TMEM132C: variants seen among roughly 807,000 people sequenced by gnomAD.
TMEM132C encodes the protein protein phosphatase 1, regulatory subunit 152.
Under a neutral mutation model 61.4 loss-of-function variants are expected in TMEM132C, and 29 were observed. The observed-to-expected ratio is 0.47, with a 90% CI of 0.35 to 0.64. The LOEUF is 0.64. Ranked by LOEUF, TMEM132C falls within the 30% of genes least tolerant of loss-of-function variation. The pLI, the probability that TMEM132C is intolerant of heterozygous loss-of-function variation, is 0.00. For synonymous variants in TMEM132C, 656 were observed against 633.1 expected (o/e 1.04, Z -0.54); for missense variants, 1,408 against 1,476.9 (o/e 0.95, Z 0.76).
chr12:128,343,828 AT>A (rs1873058805), intron 1 of TMEM132C, among the ~76,000 whole-genome samples: 1 of 152,210 alleles, frequency 6.6e-6, no homozygotes, highest in African/African-American at 2.4e-5. Context: ...TATTTGGGAC[AT>A]TTCATATAAA....
intron 3 of TMEM132C, among the ~76,000 whole-genome samples, chr12:128,598,544 G>T (rs1377035781): frequency 6.6e-6 from 1 of 152,120 alleles, no homozygotes; most frequent in Non-Finnish European, 1.5e-5. Flanking sequence ...CCCGATGTGA[G>T]AATGTGTCTG....
At chr12:128,565,857 A>G (rs1874678672) in intron 3 of TMEM132C, among the ~76,000 whole-genome samples, 1 of 151,750 alleles carries the variant, frequency 6.6e-6, no homozygotes, top group Non-Finnish European at 1.5e-5. Context: ...TCAGTAACAT[A>G]ATATAATCTA....
At chr12:128,454,437 A>G (rs1205937855) in intron 2 of TMEM132C, among the ~76,000 whole-genome samples, 1 of 152,170 alleles carries the variant, frequency 6.6e-6, no homozygotes, top group East Asian at 1.9e-4. Flanking sequence ...CAGCTCCAGA[A>G]GTTGATGTGA....
chr12:128,386,597 G>T (rs1874589095), intron 1 of TMEM132C, among the ~76,000 whole-genome samples: 1 of 152,180 alleles, frequency 6.6e-6, no homozygotes, highest in East Asian at 1.9e-4. Flanking sequence ...CCACAGCAGG[G>T]ATCTCGTGGC....
chr12:128,550,427 G>T (rs767795980), intron 3 of TMEM132C, among the ~76,000 whole-genome samples: 2 of 151,764 alleles, frequency 1.3e-5, no homozygotes, highest in African/African-American at 4.8e-5. Flanking sequence ...CAAGCGATCC[G>T]CCAAGTAGCT....
chr12:128,289,867 T>G (rs1449290566), intron 1 of TMEM132C, among the ~76,000 whole-genome samples: 1 of 152,164 alleles, frequency 6.6e-6, no homozygotes, highest in Non-Finnish European at 1.5e-5. Context: ...AATACATAAC[T>G]GATAGCATGT....
chr12:128,306,361 C>T (rs1015238297), intron 1 of TMEM132C, among the ~76,000 whole-genome samples: 3 of 152,070 alleles, frequency 2.0e-5, no homozygotes, highest in African/African-American at 7.2e-5. Context: ...GCCACCACGC[C>T]TGGCTAATTT....
intron 1 of TMEM132C, chr12:128,288,073 T>C (rs1006796938): frequency 8.6e-5 from 13 of 151,174 alleles, no homozygotes; most frequent in African/African-American, 2.9e-4. Context: ...TTTTTTTTTT[T>C]CTGAGATGGA....
intron 1 of TMEM132C, among the ~76,000 whole-genome samples, chr12:128,269,673 T>A (rs1407964735): frequency 6.6e-6 from 1 of 152,186 alleles, no homozygotes; most frequent in African/African-American, 2.4e-5. Flanking sequence ...CAACTTATCA[T>A]CTGCAAAATA....
intron 2 of TMEM132C, among the ~76,000 whole-genome samples, chr12:128,530,654 A>G (rs1873260763): frequency 6.6e-6 from 1 of 152,160 alleles, no homozygotes; most frequent in Non-Finnish European, 1.5e-5. Context: ...CATGCTGGTC[A>G]GGCTGGTCTC....
chr12:128,663,713 G>C (rs76689154), intron 4 of TMEM132C, among the ~76,000 whole-genome samples: 1 of 152,046 alleles, frequency 6.6e-6, no homozygotes, highest in East Asian at 1.9e-4. Context: ...ATGCGTGTGT[G>C]TATGTGTGTG....
At chr12:128,665,684 TAC>T (rs1231048320) in intron 4 of TMEM132C, among the ~76,000 whole-genome samples, 2 of 85,360 alleles carry the variant, frequency 2.3e-5, no homozygotes, top group Non-Finnish European at 4.8e-5. Context: ...CATACACACA[TAC>T]ACATACAGGC....
rs183985758 is a variant in TMEM132C at position 128,488,248 on chromosome 12, C to T, written c.975-55709C>T. On this transcript the variant is annotated intron_variant, in intron 2 of 8. Transcript: ENST00000435159. ...GGATCATAGAACATTTCTCTCAACT[C>T]AGCCAGTTCTATTGGAGAGCAGTGC... Among the ~76,000 whole-genome samples, 3 of 152,322 alleles carry T rather than the reference C, an allele frequency of 2.0e-5. No individual in the cohort carries two copies. The East Asian group carries it at 5.8e-4, about 29-fold the overall frequency.
At position 128,705,990 on chromosome 12, in the gene TMEM132C, A is replaced by G; in HGVS notation, c.3022A>G (p.Ser1008Gly). Residue 1008 changes from serine to glycine, a missense_variant, in exon 9 of 9, where the codon AGC becomes GGC. Ser to Gly is a moderately conservative substitution (Grantham distance 56). Coordinates refer to ENST00000435159, the MANE Select transcript of TMEM132C (RefSeq NM_001136103.3). ...IDRGPGACEE[S>G]NHLLLNGGSH... is the part of the protein sequence containing the mutation. ...CCGCGGACCGGGGGCCTGCGAGGAGAGCAACCATCTCCTGCTCAATGGTGG... is the reference window on the plus strand; with the variant it reads ...CCGCGGACCGGGGGCCTGCGAGGAGGGCAACCATCTCCTGCTCAATGGTGG... The G allele has an allele frequency of 6.4e-7, 1 of 1,551,600 alleles. No individual in the cohort carries two copies. The highest frequency in any genetic ancestry group is 8.7e-7 in the Non-Finnish European group (1 of 1,146,980).
At position 128,291,129 on chromosome 12, in the gene TMEM132C, A is replaced by G. The variant is rs145044919; in HGVS notation, c.85+23642A>G. 1.5e-3 allele frequency among the ~76,000 whole-genome samples: 223 copies of G among 152,228 alleles called. 1 individual carries two copies. Among genetic ancestry groups the G allele is most frequent in the African/African-American group, 4.9e-3 (205 of 41,546 alleles). ...GACCCGAGCAGCACAGGAATCCCCA[A>G]ATTCTCGAGGGACATTCTTATGGTC... On this transcript the variant is annotated intron_variant, in intron 1 of 8. Coordinates refer to ENST00000435159, the MANE Select transcript of TMEM132C (RefSeq NM_001136103.3).
chr12:128,547,886 A>G lies in TMEM132C; in HGVS notation c.1121+3783A>G, dbSNP rs1251060405. ...CTTCAAAGGCACAAACACCAAACAC[A>G]CACACCAAGTCTAACTAAAAGTGGT... is the stretch of plus-strand genomic sequence containing the variant. On this transcript the variant is annotated intron_variant, in intron 3 of 8. Coordinates refer to ENST00000435159, the MANE Select transcript of TMEM132C (RefSeq NM_001136103.3). 2.0e-5 allele frequency among the ~76,000 whole-genome samples: 3 copies of G among 152,326 alleles called. No homozygotes were observed. In the East Asian group the frequency reaches 5.8e-4, roughly 29 times the overall value.
At chr12:128,575,435 CG>C (rs540180584) in intron 3 of TMEM132C, among the ~76,000 whole-genome samples, 85 of 151,572 alleles carry the variant, frequency 5.6e-4, no homozygotes, top group African/African-American at 1.9e-3. Flanking sequence ...GCCAAGATGG[CG>C]CCATTGCACT....
At chr12:128,472,295 A>C (rs1340924600) in intron 2 of TMEM132C, among the ~76,000 whole-genome samples, 1 of 152,226 alleles carries the variant, frequency 6.6e-6, no homozygotes, top group Non-Finnish European at 1.5e-5. Context: ...ATTATAAACA[A>C]GCAGTATAAT....
chr12:128,606,465 A>G (rs564883325), intron 3 of TMEM132C, among the ~76,000 whole-genome samples: 16 of 152,308 alleles, frequency 1.1e-4, no homozygotes, highest in African/African-American at 3.1e-4. Flanking sequence ...CTCGCTGCCC[A>G]GCCTCCTTTC....
Sources: gnomAD v4.1 joint callset for allele counts (sites outside exome capture counted in the v4.1 genomes callset) on GRCh38, gnomAD v4.1.1 for gene constraint, MANE v1.5 for transcripts, NCBI Gene and HGNC (gene_info 2026-07-23, HGNC 2026-07-21) for gene names.